The following IL1RAPL2 variants were observed in gnomAD, a reference collection of about 807,000 sequenced individuals.
IL1RAPL2 encodes X-linked interleukin-1 receptor accessory protein-like 2.
IL1RAPL2 carries 3 observed loss-of-function variants against 44.1 expected under a neutral mutation model. The ratio of observed to expected loss-of-function variants is 0.07; its 90% confidence interval spans 0.03 to 0.18. The LOEUF is 0.18. Among genes scored for constraint, IL1RAPL2 ranks in the 10% least tolerant of loss-of-function variants. The pLI, the probability that IL1RAPL2 is intolerant of heterozygous loss-of-function variation, is 1.00. For missense variants in IL1RAPL2, 391 were observed against 496.4 expected (o/e 0.79, Z 2.02); for synonymous variants, 181 against 178.8 (o/e 1.01, Z -0.10).
chrX:104,607,516 CA>C, intron 1 of IL1RAPL2, among the ~76,000 whole-genome samples: 1 of 111,862 alleles, frequency 8.9e-6, no homozygotes, highest in Non-Finnish European at 1.9e-5. Flanking sequence ...CCAGAATCTA[CA>C]AAGAATTTAA....
intron 3 of IL1RAPL2, among the ~76,000 whole-genome samples, chrX:105,205,270 A>T (rs1471775442): frequency 2.7e-5 from 3 of 110,242 alleles, no homozygotes; most frequent in Non-Finnish European, 5.7e-5. Context: ...AAGGTCATGA[A>T]ATGGGAACAG....
At chrX:105,438,599 A>G (rs1014055501) in intron 5 of IL1RAPL2, among the ~76,000 whole-genome samples, 1 of 110,638 alleles carries the variant, frequency 9.0e-6, no homozygotes, top group African/African-American at 3.3e-5. Context: ...AGCTGACATC[A>G]TTGTGGCTTT....
intron 5 of IL1RAPL2, among the ~76,000 whole-genome samples, chrX:105,413,653 A>G (rs2035712628): frequency 8.9e-6 from 1 of 112,497 alleles, no homozygotes; most frequent in South Asian, 3.6e-4. Context: ...GTAGGAATAC[A>G]TTCTTGTTAT....
chrX:105,059,176 T>C (rs2032039386), intron 2 of IL1RAPL2, among the ~76,000 whole-genome samples: 1 of 112,220 alleles, frequency 8.9e-6, no homozygotes, highest in African/African-American at 3.2e-5. Flanking sequence ...AATAAATTAC[T>C]GTTGACTAGT....
chrX:105,486,476 T>G (rs1180931236), intron 6 of IL1RAPL2, among the ~76,000 whole-genome samples: 1 of 111,356 alleles, frequency 9.0e-6, no homozygotes, highest in Non-Finnish European at 1.9e-5. Context: ...TTATGTCCCC[T>G]ATATTGTTTT....
chrX:105,630,176 T>A (rs2037481872), intron 6 of IL1RAPL2, among the ~76,000 whole-genome samples: 1 of 111,484 alleles, frequency 9.0e-6, no homozygotes, highest in Non-Finnish European at 1.9e-5. Context: ...CAGTTTCCCC[T>A]CTTGGCCCTC....
chrX:104,805,216 C>G (rs917289500), intron 2 of IL1RAPL2, among the ~76,000 whole-genome samples: 7 of 111,686 alleles, frequency 6.3e-5, no homozygotes, highest in African/African-American at 2.3e-4. Context: ...AGTATAAAAG[C>G]ACATGTTAAT....
rs113219092 is a variant in IL1RAPL2, at chrX:104,938,675, CA to C, written c.83-256788del. Among the ~76,000 whole-genome samples the C allele has an allele frequency of 2.2e-3, 212 of 97,678 alleles. 1 individual carries two copies. Among genetic ancestry groups the C allele is most frequent in the South Asian group, 6.8e-3 (14 of 2,073 alleles). The allele number at this position is 97,678 out of a possible 115,157, so 84.8% of individuals were successfully genotyped here. On this transcript the variant is annotated intron_variant, in intron 2 of 10. Coordinates refer to ENST00000372582, the MANE Select transcript of IL1RAPL2 (RefSeq NM_017416.2). ...CTAATATTAAATTCACTAGAGTATA[CA>C]AAAAAAAAAAACCCAGTAATAGCAT... is the stretch of plus-strand genomic sequence containing the variant.
intron 2 of IL1RAPL2, among the ~76,000 whole-genome samples, chrX:104,699,940 G>A (rs1033567756): frequency 2.7e-5 from 3 of 111,100 alleles, no homozygotes; most frequent in African/African-American, 9.8e-5. Flanking sequence ...TTAAGAAATT[G>A]TTGAGGAAGT....
At position 105,723,708 on chromosome X, in the gene IL1RAPL2, G is replaced by A. The variant is rs1416482922; in HGVS notation, c.902+6212G>A. Among the ~76,000 whole-genome samples the A allele has an allele frequency of 3.6e-5, 4 of 111,253 alleles. No individual in the cohort carries two copies. The East Asian group carries it at 8.6e-4, about 24-fold the overall frequency. ...GCTGGCAGATTAAGTGTCTGGTGAGGGCCTGTTCCTCGTGGATGGAACCTT... is the reference window on the plus strand; with the variant it reads ...GCTGGCAGATTAAGTGTCTGGTGAGAGCCTGTTCCTCGTGGATGGAACCTT... On this transcript the variant is annotated intron_variant, in intron 7 of 10. Coordinates refer to ENST00000372582, the MANE Select transcript of IL1RAPL2 (RefSeq NM_017416.2).
At chrX:105,052,513 C>T (rs2031941103) in intron 2 of IL1RAPL2, among the ~76,000 whole-genome samples, 1 of 111,744 alleles carries the variant, frequency 8.9e-6, no homozygotes, top group South Asian at 3.7e-4. Flanking sequence ...CAGCAAAAGA[C>T]TATACCGTGA....
At chrX:105,447,716 TATAA>T (rs1264940447) in intron 5 of IL1RAPL2, among the ~76,000 whole-genome samples, 1 of 83,926 alleles carries the variant, frequency 1.2e-5, no homozygotes, top group Non-Finnish European at 2.1e-5. Flanking sequence ...ATATTAAAAA[TATAA>T]ATATATAAAT....
chrX:105,406,908 T>G, intron 5 of IL1RAPL2: 1 of 1,146,507 alleles, frequency 8.7e-7, no homozygotes, highest in Non-Finnish European at 1.2e-6. Context: ...GAGGAGCAAC[T>G]CTGGCAGGAA....
intron 3 of IL1RAPL2, among the ~76,000 whole-genome samples, chrX:105,217,542 C>G (rs183275072): frequency 8.9e-6 from 1 of 111,911 alleles, no homozygotes; most frequent in South Asian, 3.7e-4. Flanking sequence ...GTCAGTGTGG[C>G]GATTCCTCAG....
chrX:105,153,499 CA>C (rs1386086907), intron 2 of IL1RAPL2, among the ~76,000 whole-genome samples: 1 of 111,689 alleles, frequency 9.0e-6, no homozygotes, highest in African/African-American at 3.3e-5. Context: ...AGATTTTAAT[CA>C]ATTTAAATAG....
chrX:104,679,659 A>G (rs1441100491), intron 2 of IL1RAPL2, among the ~76,000 whole-genome samples: 1 of 111,569 alleles, frequency 9.0e-6, no homozygotes, highest in Admixed American at 9.5e-5. Flanking sequence ...TCTTGGATCT[A>G]CCACTTTGGA....
At chrX:105,670,109 A>G (rs1477232131) in intron 6 of IL1RAPL2, among the ~76,000 whole-genome samples, 8 of 20,620 alleles carry the variant, frequency 3.9e-4, no homozygotes, top group African/African-American at 1.8e-3. Flanking sequence ...TTTCCTGTAT[A>G]TATATATATA....
intron 1 of IL1RAPL2, among the ~76,000 whole-genome samples, chrX:104,584,981 C>T (rs1419162100): frequency 1.9e-5 from 2 of 104,650 alleles, no homozygotes; most frequent in African/African-American, 3.5e-5. Flanking sequence ...TTTGTTGTAC[C>T]GAATCAAACA....
intron 2 of IL1RAPL2, among the ~76,000 whole-genome samples, chrX:105,040,846 T>G (rs1352552217): frequency 9.6e-6 from 1 of 104,281 alleles, no homozygotes; most frequent in Admixed American, 1.0e-4. Flanking sequence ...GATTCATTAA[T>G]TTTTTGAAGG....
Sources: allele counts gnomAD v4.1 joint callset (sites outside exome capture counted in the v4.1 genomes callset), GRCh38; gene constraint gnomAD v4.1.1; transcripts MANE v1.5; gene names NCBI Gene and HGNC (gene_info 2026-07-23, HGNC 2026-07-21).